The following BRSK2 variants were observed in gnomAD, a reference collection of about 807,000 sequenced individuals.
BRSK2 encodes BR serine/threonine kinase 2.
Under a neutral mutation model 83.3 loss-of-function variants are expected in BRSK2, and 19 were observed. The ratio of observed to expected loss-of-function variants is 0.23; its 90% CI spans 0.16 to 0.33. BRSK2 has a LOEUF of 0.33. BRSK2 is among the 10% of genes least tolerant of loss of function. The pLI is 1.00. For missense variants in BRSK2, 798 were observed against 1,042.3 expected (o/e 0.77, Z 3.23); for synonymous variants, 519 against 435.4 (o/e 1.19, Z -2.39).
chr11:1,445,552 C>CGCCTCT lies in BRSK2; in HGVS notation c.978-18_978-13dup. On this transcript the variant is annotated intron_variant, in intron 10 of 19. Coordinates refer to ENST00000528841, the MANE Select transcript of BRSK2 (RefSeq NM_001256627.2). The stretch of plus-strand genomic sequence containing the variant: ...CGGCCCCGTGTGCCAGCGCGTCTCG[C>CGCCTCT]GCCTCTCGCCCGCTGTAGGGAGAAC... 1 of 1,589,174 alleles carries CGCCTCT rather than the reference C, an allele frequency of 6.3e-7. No individual in the cohort carries two copies.
chr11:1,428,061 GA>G (rs560684581), intron 1 of BRSK2, among the ~76,000 whole-genome samples: 77 of 152,294 alleles, frequency 5.1e-4, no homozygotes, highest in African/African-American at 1.8e-3. Context: ...CAGTAATGGG[GA>G]AAGGACTTTC....
chr11:1,459,400 G>A (rs1043828342), intron 19 of BRSK2, 161 bp downstream of exon 19: 13 of 773,658 alleles, frequency 1.7e-5, no homozygotes, highest in African/African-American at 3.4e-5. Flanking sequence ...TCTACCAGGA[G>A]CAGCCCAGGT....
intron 12 of BRSK2, among the ~76,000 whole-genome samples, chr11:1,449,499 C>T (rs374357961): frequency 4.6e-4 from 70 of 152,308 alleles, no homozygotes; most frequent in Admixed American, 2.4e-3. Context: ...GGTCCTTTGC[C>T]GCGGCTGTCT....
intron 12 of BRSK2, among the ~76,000 whole-genome samples, chr11:1,448,517 G>A (rs543398455): frequency 3.8e-4 from 58 of 152,308 alleles, no homozygotes; most frequent in Middle Eastern, 3.4e-3. Context: ...CTGCCTGGCC[G>A]GATAGGACCA....
intron 1 of BRSK2, among the ~76,000 whole-genome samples, chr11:1,394,541 A>C (rs1206611753): frequency 2.4e-5 from 1 of 42,246 alleles, no homozygotes; most frequent in Non-Finnish European, 4.7e-5. Context: ...GAGATGGGCC[A>C]TGGAGATGGG....
At position 1,460,640 on chromosome 11, in the gene BRSK2, G is replaced by C; in HGVS notation, c.2128G>C (p.Gly710Arg). Residue 710 changes from glycine (G) to arginine (R), a missense_variant, in exon 20 of 20, where the codon GGC (glycine) becomes CGC (arginine). Physicochemically the swap from Gly to Arg is moderately radical, Grantham distance 125. This residue lies in a region of BRSK2 where 455 missense variants were observed against 455.2 expected (regional missense o/e 1.00). Coordinates refer to ENST00000528841, the MANE Select transcript of BRSK2 (RefSeq NM_001256627.2). ...PLGDSAAAGP[G>R]PGGDAEYPTG... The stretch of plus-strand genomic sequence containing the variant: ...CGGTGACTCCGCGGCCGCTGGCCCT[G>C]GCCCCGGAGGGGACGCCGAGTACCC... 2.0e-6 allele frequency: 3 copies of C among 1,529,304 alleles called. No individual in the cohort carries two copies. The highest frequency in any genetic ancestry group is 2.6e-6 in the Non-Finnish European group (3 of 1,143,066). The allele number at this position is 1,529,304 out of a possible 1,614,324, so 94.7% of individuals were successfully genotyped here.
chr11:1,409,465 C>A (rs1847181548), intron 1 of BRSK2: 1 of 152,226 alleles, frequency 6.6e-6, no homozygotes, highest in African/African-American at 2.4e-5. Flanking sequence ...GGCCTTTTCC[C>A]CCAGTTCACC....
Position 1,448,016 on chromosome 11 carries a change from C to A in BRSK2, c.1227-1760C>A, listed in dbSNP as rs148694353. The stretch of plus-strand genomic sequence containing the variant: ...AGCCAGCAAGCCAGGCAAGGGCCCG[C>A]GGGCCAGGCAGAGGCCGAGGAGGGG... On this transcript the variant is annotated intron_variant, in intron 12 of 19. Transcript: ENST00000528841. Among the ~76,000 whole-genome samples, 337 of 152,236 alleles carry A rather than the reference C, an allele frequency of 2.2e-3. 3 individuals are homozygous for A. Among genetic ancestry groups the A allele is most frequent in the African/African-American group, 7.6e-3 (317 of 41,560 alleles).
In BRSK2 at chr11:1,390,681, G is replaced by C. The variant is rs1253493824; in HGVS notation, c.91+306G>C. ...GGCCCCGCTGCAGGTGCGCGGCCCG[G>C]GCCGCATTGTGCGCCCCAGCGACCG... On this transcript the variant is annotated intron_variant, in intron 1 of 19. Coordinates refer to ENST00000528841, the MANE Select transcript of BRSK2 (RefSeq NM_001256627.2). This position sits in a 1 kb window ranked among gnomAD's most constrained non-coding sequence, Gnocchi z 6.8. Among the ~76,000 whole-genome samples, 1 of 149,708 alleles carries C rather than the reference G, an allele frequency of 6.7e-6. No homozygotes were observed. Among genetic ancestry groups the C allele is most frequent in the Non-Finnish European group, 1.5e-5 (1 of 67,258 alleles).
chr11:1,408,304 C>G (rs2134091638), intron 1 of BRSK2, among the ~76,000 whole-genome samples: 1 of 152,354 alleles, frequency 6.6e-6, no homozygotes, highest in Admixed American at 6.5e-5. Context: ...CCATCCAGCT[C>G]CTGCTGATCC....
chr11:1,460,089 G>C (rs1454957998), intron 19 of BRSK2, among the ~76,000 whole-genome samples: 1 of 151,414 alleles, frequency 6.6e-6, no homozygotes, highest in East Asian at 2.0e-4. Context: ...GCAAGGTGGG[G>C]AGGGAAGGGG....
intron 1 of BRSK2, among the ~76,000 whole-genome samples, chr11:1,393,484 G>T (rs1331322563): frequency 1.3e-5 from 2 of 152,178 alleles, no homozygotes; most frequent in Non-Finnish European, 2.9e-5. Context: ...CCGCGATAGG[G>T]CTCCCTGCGA....
chr11:1,450,554 G>T, intron 13 of BRSK2, 33 bp from the exon 14 acceptor site: 2 of 1,330,360 alleles, frequency 1.5e-6, no homozygotes, highest in South Asian at 2.6e-5. Flanking sequence ...CGCCGGGATT[G>T]AACCAAACAC....
In BRSK2 at chr11:1,459,310, C is replaced by T. The variant is rs540930884; in HGVS notation, c.1987+71C>T. Reference sequence around the variant, plus strand: ...CCGCTCACCCTCAGCCCGCTGTGGCCGCCACCTGCCGCCCGGGTTGTCCCG... The same window carrying T: ...CCGCTCACCCTCAGCCCGCTGTGGCTGCCACCTGCCGCCCGGGTTGTCCCG... On this transcript the variant is annotated intron_variant, in intron 19 of 19. Coordinates refer to ENST00000528841, the MANE Select transcript of BRSK2 (RefSeq NM_001256627.2). 16 of 1,549,486 alleles carry T rather than the reference C, an allele frequency of 1.0e-5. No homozygotes were observed. In the East Asian group the frequency reaches 1.1e-4, roughly 11 times the overall value.
chr11:1,414,897 C>T (rs545082878), intron 1 of BRSK2, among the ~76,000 whole-genome samples: 4 of 152,278 alleles, frequency 2.6e-5, no homozygotes, highest in Non-Finnish European at 5.9e-5. Flanking sequence ...TTGGGGTTTC[C>T]TTCCTTTTGA....
At chr11:1,425,116 C>T (rs941127714) in intron 1 of BRSK2, among the ~76,000 whole-genome samples, 12 of 152,230 alleles carry the variant, frequency 7.9e-5, no homozygotes, top group African/African-American at 2.7e-4. Flanking sequence ...GGAAGCCTGA[C>T]GTCTGCATCG....
chr11:1,395,537 C>T (rs1846018861), intron 1 of BRSK2, among the ~76,000 whole-genome samples: 1 of 152,166 alleles, frequency 6.6e-6, no homozygotes, highest in Non-Finnish European at 1.5e-5. Flanking sequence ...GTGAGGACGG[C>T]AGTTCCCCTA....
intron 1 of BRSK2, among the ~76,000 whole-genome samples, chr11:1,428,950 C>T (rs1188500090): frequency 2.0e-5 from 3 of 146,762 alleles, no homozygotes; most frequent in African/African-American, 7.7e-5. Context: ...CGTGTGTGTG[C>T]ACGGGTGTGT....
intron 1 of BRSK2, among the ~76,000 whole-genome samples, chr11:1,427,968 C>A (rs944096128): frequency 6.6e-6 from 1 of 152,230 alleles, no homozygotes; most frequent in Non-Finnish European, 1.5e-5. Flanking sequence ...GCCTGCACTG[C>A]TGCCTAGGAC....
Sources: gnomAD v4.1 joint callset for allele counts (sites outside exome capture counted in the v4.1 genomes callset) on GRCh38, gnomAD v4.1.1 for gene constraint, gnomAD v4.1.1 regional missense constraint, Gnocchi (gnomAD v3.1) non-coding constraint, MANE v1.5 for transcripts, NCBI Gene and HGNC (gene_info 2026-07-23, HGNC 2026-07-21) for gene names.